Variants in ABCA13 observed in about 807,000 individuals in gnomAD.
The protein encoded by ABCA13 is ATP-binding cassette sub-family A member 13.
ABCA13 carries 476 observed loss-of-function variants against 478.7 expected under a neutral mutation model. The observed-to-expected ratio is 0.99, with a 90% confidence interval of 0.92 to 1.07. The LOEUF is 1.07. Among genes scored for constraint, ABCA13 ranks in the 50% least tolerant of loss-of-function variants. The probability of loss-of-function intolerance (pLI) is 0.00; values close to 1 mark genes in which losing one functional copy is unlikely to be tolerated. For missense variants in ABCA13, 6,060 were observed against 5,910.6 expected, an observed-to-expected ratio of 1.03 and a Z score of -0.83; for synonymous variants, 2,252 against 2,158.9, an observed-to-expected ratio of 1.04 and a Z score of -1.20.
intron 29 of ABCA13, among the ~76,000 whole-genome samples, chr7:48,341,656 A>G (rs1807184515): frequency 6.6e-6 from 1 of 151,150 alleles, no homozygotes; most frequent in South Asian, 2.1e-4. Context: ...AAAAAAACCC[A>G]CCGTTTATGG....
chr7:48,433,594 A>G lies in ABCA13; in HGVS notation c.12565+5723A>G, dbSNP rs532786228. 3.3e-5 allele frequency among the ~76,000 whole-genome samples: 5 copies of G among 151,912 alleles called. No individual in the cohort carries two copies. In the East Asian group the frequency reaches 7.7e-4, roughly 23 times the overall value. On this transcript the variant is annotated intron_variant, in intron 42 of 61. Coordinates refer to ENST00000435803, the MANE Select transcript of ABCA13 (RefSeq NM_152701.5). ...GCTCAGTGGCATTACGCACATTCAC[A>G]TTATTGTGCAACCATCATCATCATC...
At position 48,372,243 on chromosome 7, in the gene ABCA13, A is replaced by G; in HGVS notation, c.10879A>G (p.Ile3627Val). Residue 3627 changes from isoleucine to valine, a missense_variant, in exon 33 of 62, where the codon ATA (isoleucine) becomes GTA (valine). Ile to Val is a conservative substitution (Grantham distance 29). Coordinates refer to ENST00000435803, the MANE Select transcript of ABCA13 (RefSeq NM_152701.5). ...WFLENMAVLT[I>V]SSATLAIVLK... The stretch of plus-strand genomic sequence containing the variant: ...CCTGGAGAACATGGCTGTGTTGACC[A>G]TAAGCAGTGCTACTCTGGCCATCGT... 1 of 1,613,966 alleles carries G rather than the reference A, an allele frequency of 6.2e-7. No homozygotes were observed. The highest frequency in any genetic ancestry group is 8.5e-7 in the Non-Finnish European group (1 of 1,179,862).
At chr7:48,446,893 T>A (rs540189519) in intron 42 of ABCA13, among the ~76,000 whole-genome samples, 1 of 152,320 alleles carries the variant, frequency 6.6e-6, no homozygotes, top group Admixed American at 6.5e-5. Flanking sequence ...GCAGGGTGCT[T>A]TGCAGAAAAG....
chr7:48,480,290 C>T (rs1828623968), intron 45 of ABCA13, among the ~76,000 whole-genome samples: 1 of 152,230 alleles, frequency 6.6e-6, no homozygotes, highest in South Asian at 2.1e-4. Context: ...CTGCAGAACT[C>T]AGCTAAAAGC....
chr7:48,322,502 G>T (rs1803633813), intron 27 of ABCA13, among the ~76,000 whole-genome samples: 1 of 152,148 alleles, frequency 6.6e-6, no homozygotes. Context: ...TCAGAGAGAG[G>T]CCACCAGCGG....
intron 61 of ABCA13, 98 bp from the exon 62 acceptor site, chr7:48,645,319 A>G: frequency 1.2e-6 from 1 of 856,308 alleles, no homozygotes; most frequent in Non-Finnish European, 1.8e-6. Context: ...TTTTTAGGGC[A>G]AGTTGGCCAG....
intron 1 of ABCA13, among the ~76,000 whole-genome samples, chr7:48,181,269 C>G (rs186246727): frequency 2.6e-5 from 4 of 152,280 alleles, no homozygotes; most frequent in African/African-American, 9.6e-5. Flanking sequence ...CCATCAAATT[C>G]TTTCCAATTG....
At chr7:48,385,242 G>T (rs67033930) in intron 35 of ABCA13, among the ~76,000 whole-genome samples, 2 of 151,914 alleles carry the variant, frequency 1.3e-5, no homozygotes, top group African/African-American at 4.8e-5. Context: ...TGTCACCCAC[G>T]TATTGAGCCT....
At chr7:48,232,185 T>C in intron 7 of ABCA13, among the ~76,000 whole-genome samples, 1 of 131,678 alleles carries the variant, frequency 7.6e-6, no homozygotes, top group East Asian at 2.3e-4. Flanking sequence ...AAGAGAAAGC[T>C]AGCTCATTAA....
intron 55 of ABCA13, among the ~76,000 whole-genome samples, chr7:48,546,260 A>G (rs66785002): frequency 0.14 from 21,269 of 151,762 alleles, 2,064 homozygotes; most frequent in African/African-American, 0.23. Context: ...TTTCAAGAGT[A>G]CAAGAACCTT....
At position 48,389,305 on chromosome 7, in the gene ABCA13, T is replaced by C. The variant is rs1585118155; in HGVS notation, c.11654+85T>C. The C allele has an allele frequency of 4.9e-6, 7 of 1,437,346 alleles. No individual in the cohort carries two copies. The East Asian group carries it at 1.7e-4, about 35-fold the overall frequency. The allele number at this position is 1,437,346 out of a possible 1,614,324, so 89.0% of individuals were successfully genotyped here. A position where few individuals can be genotyped will look rare whatever the true frequency, so the allele number is the denominator to read the frequency against. On this transcript the variant is annotated intron_variant, in intron 37 of 61. Coordinates refer to ENST00000435803, the MANE Select transcript of ABCA13 (RefSeq NM_152701.5). ...CCTGTGAGACAGAAGGTTTGATTTC[T>C]TTTCCTTTTTTTAAAATTTTGAGTC...
At chr7:48,374,232 C>A in intron 33 of ABCA13, 115 bp from the exon 34 acceptor site, 4 of 860,610 alleles carry the variant, frequency 4.6e-6, no homozygotes, top group Non-Finnish European at 7.2e-6. Context: ...GATGGTTGGG[C>A]GTCATCAGAA....
At chr7:48,270,812 C>T (rs1035371285) in intron 16 of ABCA13, among the ~76,000 whole-genome samples, 1 of 152,122 alleles carries the variant, frequency 6.6e-6, no homozygotes, top group Admixed American at 6.5e-5. Flanking sequence ...GTAATTTACC[C>T]TGTAAGGCAT....
intron 35 of ABCA13, among the ~76,000 whole-genome samples, chr7:48,382,854 G>A (rs1460272868): frequency 1.3e-5 from 2 of 151,958 alleles, no homozygotes; most frequent in African/African-American, 4.8e-5. Context: ...CGTACCACTA[G>A]AGGGTGTGAC....
At chr7:48,303,510 G>A (rs896117834) in intron 23 of ABCA13, among the ~76,000 whole-genome samples, 2 of 152,038 alleles carry the variant, frequency 1.3e-5, no homozygotes, top group Non-Finnish European at 2.9e-5. Flanking sequence ...GTTGATTTTT[G>A]TATAGCATAA....
chr7:48,328,298 T>C (rs192314318), intron 27 of ABCA13, among the ~76,000 whole-genome samples: 13 of 152,204 alleles, frequency 8.5e-5, no homozygotes, highest in Admixed American at 8.5e-4. Flanking sequence ...GAGAACAAAA[T>C]CCATTGCAAT....
At chr7:48,326,090 G>A (rs1290996300) in intron 27 of ABCA13, among the ~76,000 whole-genome samples, 1 of 152,224 alleles carries the variant, frequency 6.6e-6, no homozygotes, top group Non-Finnish European at 1.5e-5. Flanking sequence ...CTATGAGAAG[G>A]TGCCATGTGC....
At chr7:48,229,725 C>A in intron 6 of ABCA13, 100 bp from the exon 7 acceptor site, 1 of 1,421,166 alleles carries the variant, frequency 7.0e-7, no homozygotes, top group Non-Finnish European at 9.7e-7. Context: ...TGCAACAGCA[C>A]TAGGGGCCCA....
In ABCA13 at chr7:48,408,873, G is replaced by A. The variant is rs917149029; in HGVS notation, c.12071-1647G>A. Among the ~76,000 whole-genome samples, 7 of 152,110 alleles carry A rather than the reference G, an allele frequency of 4.6e-5. No homozygotes were observed. The South Asian group carries it at 6.2e-4, about 14-fold the overall frequency. On this transcript the variant is annotated intron_variant, in intron 39 of 61. Coordinates refer to ENST00000435803, the MANE Select transcript of ABCA13 (RefSeq NM_152701.5). The stretch of plus-strand genomic sequence containing the variant: ...CCTCCACCATCTGGTAGACCTCAGT[G>A]TGTGTTGTTCCCTCTATGTCTCCAT...
Sources: gnomAD v4.1 joint callset for allele counts (sites outside exome capture counted in the v4.1 genomes callset) on GRCh38, gnomAD v4.1.1 for gene constraint, MANE v1.5 for transcripts, NCBI Gene and HGNC (gene_info 2026-07-23, HGNC 2026-07-21) for gene names.